PCDHGB3: variants seen among roughly 807,000 people sequenced by gnomAD.
PCDHGB3 encodes the protein protocadherin gamma subfamily B, 3.
Under a neutral mutation model 59.2 loss-of-function variants are expected in PCDHGB3, and 40 were observed. That is an observed-to-expected ratio of 0.68 (90% CI 0.52 to 0.88). The LOEUF is 0.88. Among genes scored for constraint, PCDHGB3 ranks in the 40% least tolerant of loss-of-function variants. The pLI, the probability that PCDHGB3 is intolerant of heterozygous loss-of-function variation, is 0.00. For missense variants in PCDHGB3, 1,309 were observed against 1,187.9 expected (o/e 1.10, Z -1.50); for synonymous variants, 581 against 503.6 (o/e 1.15, Z -2.06).
chr5:141,373,632 T>C (rs1769740569), intron 1 of PCDHGB3, among the ~76,000 whole-genome samples: 1 of 152,264 alleles, frequency 6.6e-6, no homozygotes, highest in African/African-American at 2.4e-5. Context: ...ATATTATTTC[T>C]GTTCCCCAAG....
rs527630741 is a variant in PCDHGB3, at chr5:141,493,568, G to A, written c.2416-1239G>A. ...TTGGAGATTGAGTTCCCCCAGCTCC[G>A]TTTCCTCCTATCACAATCACTGCAT... is the stretch of plus-strand genomic sequence containing the variant. On this transcript the variant is annotated intron_variant, in intron 1 of 3. Coordinates refer to ENST00000576222, the MANE Select transcript of PCDHGB3 (RefSeq NM_018924.5). This position sits in a 1 kb window ranked among gnomAD's most constrained non-coding sequence, Gnocchi z 4.3. 3.9e-5 allele frequency among the ~76,000 whole-genome samples: 6 copies of A among 152,250 alleles called. No homozygotes were observed. Among genetic ancestry groups the A allele is most frequent in the African/African-American group, 9.6e-5 (4 of 41,550 alleles).
At chr5:141,414,781 G>A (rs755811755) in intron 1 of PCDHGB3, 1 of 1,614,230 alleles carries the variant, frequency 6.2e-7, no homozygotes, top group Admixed American at 1.7e-5. Context: ...ACAGATGCAG[G>A]TGACAGCCAG....
At position 141,453,908 on chromosome 5, in the gene PCDHGB3, A is replaced by T. The variant is rs1198219869; in HGVS notation, c.2416-40899A>T. On this transcript the variant is annotated intron_variant, in intron 1 of 3. Transcript: ENST00000576222. ...CCAATCACATGACTTCTTTCAAAGT[A>T]TGTCAGTGATCAGTCACTGTGTGCC... Among the ~76,000 whole-genome samples, 4 of 152,242 alleles carry T rather than the reference A, an allele frequency of 2.6e-5. No homozygotes were observed. The East Asian group carries it at 5.8e-4, about 22-fold the overall frequency.
intron 1 of PCDHGB3, chr5:141,427,874 G>A: frequency 1.3e-6 from 2 of 1,560,274 alleles, no homozygotes; most frequent in South Asian, 2.2e-5. Flanking sequence ...AGCTCACGAT[G>A]CAGGCCCACG....
At chr5:141,502,139 C>G (rs923501238) in intron 2 of PCDHGB3, among the ~76,000 whole-genome samples, 1 of 152,104 alleles carries the variant, frequency 6.6e-6, no homozygotes, top group Non-Finnish European at 1.5e-5. Flanking sequence ...TCAGTCGGGC[C>G]GGAAGTAAGG....
chr5:141,497,544 T>C (rs1410779650), intron 2 of PCDHGB3, among the ~76,000 whole-genome samples: 4 of 150,796 alleles, frequency 2.7e-5, no homozygotes, highest in African/African-American at 9.8e-5. Flanking sequence ...ACAAACCTTT[T>C]TTTTTTTTTT....
Position 141,489,902 on chromosome 5 carries a change from C to A in PCDHGB3, c.2416-4905C>A. ...ACTGCTGTGGATGGGGGGACCCCAGCCCGCTCAGGGACCACCCTTATCTCT... is the reference window on the plus strand; with the variant it reads ...ACTGCTGTGGATGGGGGGACCCCAGACCGCTCAGGGACCACCCTTATCTCT... On this transcript the variant is annotated intron_variant, in intron 1 of 3. Transcript: ENST00000576222. The surrounding 1 kb of genome is among the most constrained non-coding windows in gnomAD (Gnocchi z 4.5). 1 of 1,614,218 alleles carries A rather than the reference C, an allele frequency of 6.2e-7. No individual in the cohort carries two copies. The highest frequency in any genetic ancestry group is 8.5e-7 in the Non-Finnish European group (1 of 1,180,032).
At position 141,491,052 on chromosome 5, in the gene PCDHGB3, G is replaced by A. The variant is rs2099707642; in HGVS notation, c.2416-3755G>A. ...ATGCTGATGCAGGCCACAATGCGTG[G>A]CTCTCCTACTCACTGTTGCCACAGT... On this transcript the variant is annotated intron_variant, in intron 1 of 3. Transcript: ENST00000576222. The surrounding 1 kb of genome is among the most constrained non-coding windows in gnomAD (Gnocchi z 6.9). 3.1e-6 allele frequency: 5 copies of A among 1,614,038 alleles called. No individual in the cohort carries two copies. The highest frequency in any genetic ancestry group is 4.2e-6 in the Non-Finnish European group (5 of 1,180,032).
intron 1 of PCDHGB3, among the ~76,000 whole-genome samples, chr5:141,464,049 G>C (rs1330340459): frequency 6.6e-6 from 1 of 152,124 alleles, no homozygotes; most frequent in Admixed American, 6.5e-5. Context: ...TGGATCACCT[G>C]AGGTCAGGAG....
At chr5:141,418,423 T>G (rs1469880702) in intron 1 of PCDHGB3, 1 of 1,613,868 alleles carries the variant, frequency 6.2e-7, no homozygotes. Flanking sequence ...ATCCTGATGG[T>G]GGCAAATATC....
At chr5:141,434,337 C>T (rs939910421) in intron 1 of PCDHGB3, among the ~76,000 whole-genome samples, 13 of 152,230 alleles carry the variant, frequency 8.5e-5, no homozygotes, top group African/African-American at 2.4e-4. Context: ...CTCTTTGTGT[C>T]GGGAACAGGC....
At chr5:141,383,236 A>G in intron 1 of PCDHGB3, 1 of 1,613,978 alleles carries the variant, frequency 6.2e-7, no homozygotes, top group Non-Finnish European at 8.5e-7. Context: ...GATGGAAGAT[A>G]AAATGAATCT....
intron 1 of PCDHGB3, chr5:141,408,246 A>C: frequency 6.3e-7 from 1 of 1,590,754 alleles, no homozygotes; most frequent in Non-Finnish European, 8.6e-7. Flanking sequence ...GGCCCGCGGC[A>C]GGTGCTATTT....
At chr5:141,375,665 C>T (rs114223268) in intron 1 of PCDHGB3, 22,660 of 1,614,242 alleles carry the variant, frequency 0.014, 234 homozygotes, top group Non-Finnish European at 0.016. Flanking sequence ...GTTGAGAGAC[C>T]TACAGCTGTG....
At chr5:141,376,589 C>T (rs774042696) in intron 1 of PCDHGB3, 3 of 1,568,090 alleles carry the variant, frequency 1.9e-6, no homozygotes, top group Non-Finnish European at 2.6e-6. Context: ...TCAGCTAGAT[C>T]GGCTGTTATA....
rs149553852 is a variant in PCDHGB3 at position 141,415,009 on chromosome 5, C to T, written c.2415+42200C>T. On this transcript the variant is annotated intron_variant, in intron 1 of 3. Coordinates refer to ENST00000576222, the MANE Select transcript of PCDHGB3 (RefSeq NM_018924.5). ...CCAGAACGCCTGGCTGTCCTACCGT[C>T]TGCTCAAGGCCAGCGAGCCGGGACT... 1.9e-3 allele frequency: 3,040 copies of T among 1,613,658 alleles called. 49 individuals are homozygous for T. In the African/African-American group the frequency reaches 0.033, roughly 18 times the overall value.
intron 1 of PCDHGB3, among the ~76,000 whole-genome samples, chr5:141,483,517 CCTGA>C (rs72004558): frequency 0.16 from 24,470 of 151,950 alleles, 2,064 homozygotes; most frequent in African/African-American, 0.21. Context: ...CCCCCTAGAT[CCTGA>C]CTAAGGAAGC....
chr5:141,388,314 G>A (rs752079289), intron 1 of PCDHGB3: 4 of 1,613,824 alleles, frequency 2.5e-6, no homozygotes, highest in South Asian at 1.1e-5. Context: ...GCAAATAAGT[G>A]AGTCTGCACA....
At chr5:141,385,292 AG>A (rs1458906535) in intron 1 of PCDHGB3, 1 of 1,613,082 alleles carries the variant, frequency 6.2e-7, no homozygotes, top group African/African-American at 1.3e-5. Flanking sequence ...GTAGATTTTC[AG>A]GAATGTAAAG....
Sources: allele counts gnomAD v4.1 joint callset (sites outside exome capture counted in the v4.1 genomes callset), GRCh38; gene constraint gnomAD v4.1.1; non-coding constraint Gnocchi (gnomAD v3.1); transcripts MANE v1.5; gene names NCBI Gene and HGNC (gene_info 2026-07-23, HGNC 2026-07-21).